The following OTUD7A variants were observed in gnomAD, a reference collection of about 807,000 sequenced individuals.
The protein encoded by OTUD7A is OTU deubiquitinase 7A.
In OTUD7A, 12 loss-of-function variants were observed where a neutral mutation model predicts 65.7. The observed-to-expected ratio is 0.18, with a 90% CI of 0.12 to 0.30. The LOEUF is 0.30. Among genes scored for constraint, OTUD7A ranks in the 10% least tolerant of loss-of-function variants. The probability of loss-of-function intolerance (pLI) is 1.00; values close to 1 mark genes in which losing one functional copy is unlikely to be tolerated. For synonymous variants in OTUD7A, 641 were observed against 586.3 expected (o/e 1.09, Z -1.35); for missense variants, 1,148 against 1,304.8 (o/e 0.88, Z 1.85).
intron 1 of OTUD7A, among the ~76,000 whole-genome samples, chr15:31,726,364 C>T (rs1893886784): frequency 1.3e-5 from 2 of 151,774 alleles, no homozygotes. Flanking sequence ...CACACACACA[C>T]ACACTTTGTG....
At position 31,487,266 on chromosome 15, in the gene OTUD7A, C is replaced by T. The variant is rs746239466; in HGVS notation, c.1299G>A (p.Ser433=). Residue 433 remains serine, a synonymous_variant, in exon 12 of 13, where the codon TCG becomes TCA. Transcript: ENST00000307050. This position sits in a 1 kb window ranked among gnomAD's most constrained non-coding sequence, Gnocchi z 6.0. Reference sequence around the variant, plus strand: ...GCAGAAGGTTCAGCTTGGCTTCTAGCGACAGGATAAGGCTGGCAAGAGAAG... The same window carrying T: ...GCAGAAGGTTCAGCTTGGCTTCTAGTGACAGGATAAGGCTGGCAAGAGAAG... ...DNARLAHLIL[S]LEAKLNLLHS... 14 of 1,613,992 alleles carry T rather than the reference C, an allele frequency of 8.7e-6. No homozygotes were observed. The highest frequency in any genetic ancestry group is 1.0e-5 in the Non-Finnish European group (12 of 1,179,956).
rs1039620361 is a variant in OTUD7A, at chr15:31,505,051, A to G, written c.894-1233T>C. 4.6e-5 allele frequency among the ~76,000 whole-genome samples: 7 copies of G among 152,054 alleles called. 1 individual carries two copies. The highest frequency in any genetic ancestry group is 1.4e-4 in the African/African-American group (6 of 41,392). ...ATTTTTTTAGTAAGGCTATTTTTAT[A>G]TTTTTTGTAGAAAGGGTATACTTGC... On this transcript the variant is annotated intron_variant, in intron 8 of 12. Coordinates refer to ENST00000307050, the MANE Select transcript of OTUD7A (RefSeq NM_001382637.1).
chr15:31,627,009 G>A (rs879722150), intron 3 of OTUD7A, among the ~76,000 whole-genome samples: 3 of 151,782 alleles, frequency 2.0e-5, no homozygotes, highest in Non-Finnish European at 4.4e-5. Context: ...CTTGCTAATG[G>A]GGGGTCTCTC....
At chr15:31,585,572 GA>G (rs1424062643) in intron 3 of OTUD7A, among the ~76,000 whole-genome samples, 2 of 152,194 alleles carry the variant, frequency 1.3e-5, no homozygotes, top group Non-Finnish European at 2.9e-5. Context: ...TTGAGAGCTT[GA>G]CCTTTGAGTT....
At chr15:31,850,571 T>C (rs187764517) in intron 1 of OTUD7A, among the ~76,000 whole-genome samples, 2 of 151,658 alleles carry the variant, frequency 1.3e-5, no homozygotes, top group East Asian at 3.9e-4. Flanking sequence ...ATAATAATAA[T>C]AATAAAGAAA....
intron 10 of OTUD7A, among the ~76,000 whole-genome samples, chr15:31,497,349 AAG>A (rs1458609643): frequency 6.6e-6 from 1 of 151,934 alleles, no homozygotes; most frequent in African/African-American, 2.4e-5. Context: ...TCCCAGGTTC[AAG>A]AGATTCTCCT....
intron 5 of OTUD7A, chr15:31,557,124 T>A (rs188382091): frequency 2.0e-5 from 3 of 152,388 alleles, no homozygotes; most frequent in Non-Finnish European, 4.4e-5. Flanking sequence ...GTGAGGCTTC[T>A]ATGAGTCCTG....
chr15:31,749,749 T>C lies in OTUD7A; in HGVS notation c.-99-92672A>G, dbSNP rs184923971. 2.2e-3 allele frequency among the ~76,000 whole-genome samples: 328 copies of C among 152,174 alleles called. 1 individual carries two copies. The highest frequency in any genetic ancestry group is 3.7e-3 in the Non-Finnish European group (251 of 67,988). On this transcript the variant is annotated intron_variant, in intron 1 of 12. Coordinates refer to ENST00000307050, the MANE Select transcript of OTUD7A (RefSeq NM_001382637.1). ...AGAAATAAAAGGTGTACAATTTTTTTTTTTAAAAAAAGGAAGTCGAACTAT... is the reference window on the plus strand; with the variant it reads ...AGAAATAAAAGGTGTACAATTTTTTCTTTTAAAAAAAGGAAGTCGAACTAT...
At chr15:31,762,920 A>C (rs1057246557) in intron 1 of OTUD7A, among the ~76,000 whole-genome samples, 9 of 152,246 alleles carry the variant, frequency 5.9e-5, no homozygotes, top group African/African-American at 2.2e-4. Flanking sequence ...AGACGACAAA[A>C]ATATTGGCAA....
intron 1 of OTUD7A, among the ~76,000 whole-genome samples, chr15:31,663,018 A>C (rs1892208819): frequency 2.0e-5 from 3 of 151,630 alleles, no homozygotes; most frequent in Admixed American, 2.0e-4. Context: ...AGTTTTCCAG[A>C]TACACAATCA....
intron 3 of OTUD7A, among the ~76,000 whole-genome samples, chr15:31,578,646 G>C (rs971840977): frequency 2.6e-5 from 4 of 151,886 alleles, no homozygotes; most frequent in Non-Finnish European, 5.9e-5. Flanking sequence ...CTGCCTCCCA[G>C]GTTCAAGCAA....
chr15:31,832,662 C>G (rs921945956), intron 1 of OTUD7A, among the ~76,000 whole-genome samples: 4 of 152,114 alleles, frequency 2.6e-5, no homozygotes, highest in Non-Finnish European at 4.4e-5. Context: ...ATGAATTTGA[C>G]GACTCTAGGT....
intron 1 of OTUD7A, among the ~76,000 whole-genome samples, chr15:31,763,598 G>T (rs1335986372): frequency 6.6e-6 from 1 of 152,116 alleles, no homozygotes; most frequent in East Asian, 1.9e-4. Flanking sequence ...AAAGGAGTAA[G>T]AGTCTGGTGT....
chr15:31,628,214 T>C (rs1891025206), intron 3 of OTUD7A, among the ~76,000 whole-genome samples: 1 of 152,218 alleles, frequency 6.6e-6, no homozygotes, highest in African/African-American at 2.4e-5. Context: ...TCTAGGGTTT[T>C]TATGGTTTTA....
chr15:31,547,969 T>C (rs755041735), intron 5 of OTUD7A, among the ~76,000 whole-genome samples: 4 of 152,232 alleles, frequency 2.6e-5, no homozygotes, highest in Non-Finnish European at 5.9e-5. Context: ...GCTTCCTCCT[T>C]TACGCTTTCT....
chr15:31,796,227 T>G (rs1383661694), intron 1 of OTUD7A, among the ~76,000 whole-genome samples: 1 of 150,006 alleles, frequency 6.7e-6, no homozygotes, highest in Non-Finnish European at 1.5e-5. Flanking sequence ...TATCTATCTA[T>G]CTATCTATCA....
At chr15:31,502,605 A>C (rs1164111830) in intron 9 of OTUD7A, among the ~76,000 whole-genome samples, 3 of 152,202 alleles carry the variant, frequency 2.0e-5, no homozygotes, top group African/African-American at 7.2e-5. Context: ...CTGTGCTCAC[A>C]GGAGAGTCAG....
At chr15:31,646,202 A>G (rs8029946) in intron 3 of OTUD7A, among the ~76,000 whole-genome samples, 87,294 of 148,872 alleles carry the variant, frequency 0.59, 27,131 homozygotes, top group East Asian at 0.91. Flanking sequence ...TGGGGCTCTC[A>G]GCCATGTGAA....
chr15:31,513,307 C>T (rs370797435), intron 8 of OTUD7A, among the ~76,000 whole-genome samples: 43 of 152,360 alleles, frequency 2.8e-4, no homozygotes, highest in African/African-American at 1.0e-3. Flanking sequence ...ACCCCATCAC[C>T]CTGGAAAGTT....
Sources: gnomAD v4.1 joint callset for allele counts (sites outside exome capture counted in the v4.1 genomes callset) on GRCh38, gnomAD v4.1.1 for gene constraint, Gnocchi (gnomAD v3.1) non-coding constraint, MANE v1.5 for transcripts, NCBI Gene and HGNC (gene_info 2026-07-23, HGNC 2026-07-21) for gene names.